FAM13C: variants seen among roughly 807,000 people sequenced by gnomAD.
The protein encoded by FAM13C is family with sequence similarity 13 member C, also known as protein FAM13C.
FAM13C carries 37 observed loss-of-function variants against 73.2 expected under a neutral mutation model. That is an observed-to-expected ratio of 0.51 (90% CI 0.39 to 0.67). FAM13C has a LOEUF of 0.67. Among genes scored for constraint, FAM13C ranks in the 30% least tolerant of loss-of-function variants. The pLI is 0.00. For synonymous variants in FAM13C, 246 were observed against 260.9 expected, an observed-to-expected ratio of 0.94 and a Z score of 0.55; for missense variants, 589 against 715.6, an observed-to-expected ratio of 0.82 and a Z score of 2.02.
At chr10:59,289,905 G>A (rs1448477980) in intron 5 of FAM13C, among the ~76,000 whole-genome samples, 1 of 152,072 alleles carries the variant, frequency 6.6e-6, no homozygotes, top group African/African-American at 2.4e-5. Context: ...GGGCCAGACT[G>A]CTAGTGCTTT....
At chr10:59,285,174 C>T (rs1296553325) in intron 5 of FAM13C, among the ~76,000 whole-genome samples, 1 of 152,214 alleles carries the variant, frequency 6.6e-6, no homozygotes, top group Non-Finnish European at 1.5e-5. Context: ...CGGCGCAAAC[C>T]TCCTAAGAGC....
intron 3 of FAM13C, among the ~76,000 whole-genome samples, chr10:59,343,810 T>A (rs1446870063): frequency 2.6e-5 from 4 of 152,196 alleles, no homozygotes; most frequent in Non-Finnish European, 5.9e-5. Context: ...GCACTTTTGT[T>A]GGTTTAAATC....
rs1589424810 is a variant in FAM13C at position 59,275,938 on chromosome 10, T to A, written c.593-5829A>T. Among the ~76,000 whole-genome samples the A allele has an allele frequency of 2.6e-5, 4 of 152,206 alleles. No homozygotes were observed. The South Asian group carries it at 8.3e-4, about 31-fold the overall frequency. On this transcript the variant is annotated intron_variant, in intron 6 of 13. Transcript: ENST00000618804. Reference sequence around the variant, plus strand: ...GAGAAGTGGCCTCAGAGAATTACAGTCATCTATACATTTTGAAATCTTTCC... The same window carrying A: ...GAGAAGTGGCCTCAGAGAATTACAGACATCTATACATTTTGAAATCTTTCC...
intron 3 of FAM13C, among the ~76,000 whole-genome samples, chr10:59,332,462 G>T (rs1299706451): frequency 6.6e-6 from 1 of 152,134 alleles, no homozygotes; most frequent in African/African-American, 2.4e-5. Flanking sequence ...TGCAGAGTGG[G>T]TTGTCATGGA....
At chr10:59,280,876 C>T (rs1258923798) in intron 6 of FAM13C, among the ~76,000 whole-genome samples, 2 of 152,144 alleles carry the variant, frequency 1.3e-5, no homozygotes, top group South Asian at 2.1e-4. Flanking sequence ...CCCACTAGGT[C>T]ACATGAATTT....
chr10:59,307,233 G>C (rs1848357175), intron 4 of FAM13C, among the ~76,000 whole-genome samples: 3 of 152,132 alleles, frequency 2.0e-5, no homozygotes, highest in Admixed American at 2.0e-4. Flanking sequence ...CAGCAGAGAA[G>C]GGGGGTGAGA....
At chr10:59,351,331 C>CAAAAAA (rs10666673) in intron 3 of FAM13C, among the ~76,000 whole-genome samples, 1,359 of 134,218 alleles carry the variant, frequency 0.01, 28 homozygotes, top group African/African-American at 0.032. Flanking sequence ...GACCCTGTCT[C>CAAAAAA]AAAAAAAAAA....
intron 6 of FAM13C, among the ~76,000 whole-genome samples, chr10:59,274,132 T>C (rs779274143): frequency 1.3e-5 from 2 of 152,048 alleles, no homozygotes; most frequent in Non-Finnish European, 2.9e-5. Context: ...TCAACCAGCC[T>C]CTCTCAGGAC....
At chr10:59,327,565 A>T (rs1047318289) in intron 3 of FAM13C, 3 of 103,322 alleles carry the variant, frequency 2.9e-5, no homozygotes, top group Admixed American at 9.6e-5. Context: ...TTTTGTCCCC[A>T]CCCCCCCACC....
chr10:59,317,618 T>C (rs546063800), intron 4 of FAM13C, among the ~76,000 whole-genome samples: 8 of 152,308 alleles, frequency 5.3e-5, no homozygotes, highest in African/African-American at 1.4e-4. Flanking sequence ...CTACTGCTTA[T>C]TACTCATCTT....
chr10:59,269,042 A>C (rs897636953), intron 7 of FAM13C, among the ~76,000 whole-genome samples: 1 of 152,152 alleles, frequency 6.6e-6, no homozygotes, highest in African/African-American at 2.4e-5. Context: ...TTTTCAAGGA[A>C]GATTTAGATG....
At chr10:59,261,063 T>G (rs1004492469) in intron 10 of FAM13C, among the ~76,000 whole-genome samples, 1 of 152,154 alleles carries the variant, frequency 6.6e-6, no homozygotes, top group Non-Finnish European at 1.5e-5. Context: ...CAAGATGCTT[T>G]AATAGATGTG....
At position 59,246,477 on chromosome 10, in the gene FAM13C, T is replaced by TA. The variant is rs548108890; in HGVS notation, c.*1136dup. The stretch of plus-strand genomic sequence containing the variant: ...ATGTGAATTTCTTCAACATCATACT[T>TA]AAACATTACAGAAAATAGAAATACA... On this transcript the variant is annotated 3_prime_UTR_variant, in exon 14 of 14. Coordinates refer to ENST00000618804, the MANE Select transcript of FAM13C (RefSeq NM_198215.4). The TA allele has an allele frequency of 3.4e-4, 130 of 385,616 alleles. No individual in the cohort carries two copies. The highest frequency in any genetic ancestry group is 2.5e-3 in the African/African-American group (121 of 48,490). The allele number at this position is 385,616 out of a possible 1,614,324, so 23.9% of individuals were successfully genotyped here.
intron 8 of FAM13C, among the ~76,000 whole-genome samples, chr10:59,268,088 C>T (rs1393666235): frequency 1.3e-5 from 2 of 151,954 alleles, no homozygotes; most frequent in Non-Finnish European, 2.9e-5. Context: ...TCCTCATTCA[C>T]CAACAAGGAA....
chr10:59,318,431 A>G (rs1328840233), intron 4 of FAM13C, among the ~76,000 whole-genome samples: 3 of 152,052 alleles, frequency 2.0e-5, no homozygotes, highest in African/African-American at 7.2e-5. Flanking sequence ...CGTATTCTTT[A>G]GCTATAGCCT....
At chr10:59,350,495 C>G (rs1854896220) in intron 3 of FAM13C, among the ~76,000 whole-genome samples, 1 of 152,152 alleles carries the variant, frequency 6.6e-6, no homozygotes, top group African/African-American at 2.4e-5. Context: ...GGAACCTGTG[C>G]CCTCCCCAGC....
At chr10:59,269,417 TACACACACAC>T (rs10532470) in intron 7 of FAM13C, among the ~76,000 whole-genome samples, 44 of 146,656 alleles carry the variant, frequency 3.0e-4, no homozygotes, top group African/African-American at 1.1e-3. Flanking sequence ...GGCATCCGAT[TACACACACAC>T]ACACACACAC....
In FAM13C at chr10:59,310,015, C is replaced by T. The variant is rs145909372; in HGVS notation, c.444-7151G>A. On this transcript the variant is annotated intron_variant, in intron 4 of 13. Coordinates refer to ENST00000618804, the MANE Select transcript of FAM13C (RefSeq NM_198215.4). ...ATTCCCATAACAAATGCATTTCTTC[C>T]CTGAAGAGATCTATGAAAGATTAAT... is the stretch of plus-strand genomic sequence containing the variant. Among the ~76,000 whole-genome samples, 160 of 152,246 alleles carry T rather than the reference C, an allele frequency of 1.1e-3. 1 individual carries two copies. The highest frequency in any genetic ancestry group is 3.7e-3 in the African/African-American group (152 of 41,550).
chr10:59,275,636 A>AT (rs1284482247), intron 6 of FAM13C, among the ~76,000 whole-genome samples: 2 of 152,144 alleles, frequency 1.3e-5, no homozygotes, highest in African/African-American at 2.4e-5. Flanking sequence ...GTCTATTAAT[A>AT]TTTTTTGTAA....
Sources: allele counts gnomAD v4.1 joint callset (sites outside exome capture counted in the v4.1 genomes callset), GRCh38; gene constraint gnomAD v4.1.1; transcripts MANE v1.5; gene names NCBI Gene and HGNC (gene_info 2026-07-23, HGNC 2026-07-21).